Variants in PTPRM observed in about 807,000 individuals in gnomAD.
PTPRM encodes receptor-type tyrosine-protein phosphatase mu.
PTPRM carries 47 observed loss-of-function variants against 186.7 expected under a neutral mutation model. The observed-to-expected ratio is 0.25, with a 90% CI of 0.20 to 0.32. The LOEUF (loss-of-function observed/expected upper bound fraction) is 0.32. PTPRM is among the 10% of genes least tolerant of loss of function. The pLI is 1.00. For synonymous variants in PTPRM, 668 were observed against 674.9 expected, an observed-to-expected ratio of 0.99 and a Z score of 0.16; for missense variants, 1,494 against 1,865.0, an observed-to-expected ratio of 0.80 and a Z score of 3.66.
chr18:7,997,611 A>G lies in PTPRM; in HGVS notation c.1132+42197A>G, dbSNP rs114298038. Among the ~76,000 whole-genome samples, 1,350 of 152,276 alleles carry G rather than the reference A, an allele frequency of 8.9e-3. 17 individuals carry two copies. The highest frequency in any genetic ancestry group is 0.03 in the African/African-American group (1,267 of 41,584). ...GACAACCTACAGAATGGGAGAAATTATTTGCAATCTATCCATTGGATAAGT... is the reference window on the plus strand; with the variant it reads ...GACAACCTACAGAATGGGAGAAATTGTTTGCAATCTATCCATTGGATAAGT... On this transcript the variant is annotated intron_variant, in intron 7 of 32. Coordinates refer to ENST00000580170, the MANE Select transcript of PTPRM (RefSeq NM_001105244.2).
At chr18:8,316,834 C>T (rs2148045925) in intron 21 of PTPRM, among the ~76,000 whole-genome samples, 1 of 152,174 alleles carries the variant, frequency 6.6e-6, no homozygotes, top group South Asian at 2.1e-4. Flanking sequence ...GAGAAGGTAG[C>T]AAGTGAGCAA....
chr18:7,694,194 A>C (rs1210421603), intron 1 of PTPRM, among the ~76,000 whole-genome samples: 1 of 152,098 alleles, frequency 6.6e-6, no homozygotes, highest in Non-Finnish European at 1.5e-5. Flanking sequence ...CTTCTCTTAA[A>C]CTTGAGGACT....
chr18:8,308,777 A>G (rs1002508284), intron 20 of PTPRM, among the ~76,000 whole-genome samples: 4 of 152,152 alleles, frequency 2.6e-5, no homozygotes, highest in African/African-American at 7.2e-5. Context: ...CCAGTATTGT[A>G]CCTACTAACT....
intron 14 of PTPRM, among the ~76,000 whole-genome samples, chr18:8,189,783 T>A (rs1411942011): frequency 1.3e-5 from 2 of 152,212 alleles, no homozygotes; most frequent in Non-Finnish European, 2.9e-5. Flanking sequence ...CACTGGAGAC[T>A]TTAAAGAGCC....
At chr18:7,809,130 G>GCTCC in intron 2 of PTPRM, among the ~76,000 whole-genome samples, 1 of 152,254 alleles carries the variant, frequency 6.6e-6, no homozygotes, top group East Asian at 1.9e-4. Flanking sequence ...GAGCTGGTGG[G>GCTCC]TGTTCCCATG....
chr18:7,800,333 T>C (rs1258358020), intron 2 of PTPRM, among the ~76,000 whole-genome samples: 1 of 152,196 alleles, frequency 6.6e-6, no homozygotes, highest in African/African-American at 2.4e-5. Flanking sequence ...TGTTTATCAG[T>C]CTTTTGTTTA....
chr18:7,703,540 T>C (rs983780192), intron 1 of PTPRM, among the ~76,000 whole-genome samples: 2 of 152,222 alleles, frequency 1.3e-5, no homozygotes, highest in Non-Finnish European at 2.9e-5. Context: ...GAGACTTTGC[T>C]GAAGTTGCTT....
At chr18:8,096,048 G>A (rs35481995) in intron 11 of PTPRM, among the ~76,000 whole-genome samples, 6,605 of 152,208 alleles carry the variant, frequency 0.043, 200 homozygotes, top group Non-Finnish European at 0.071. Flanking sequence ...TAACCCCTTT[G>A]CTGTGGGCCT....
intron 1 of PTPRM, among the ~76,000 whole-genome samples, chr18:7,650,612 C>T (rs2038677215): frequency 6.6e-6 from 1 of 151,950 alleles, no homozygotes; most frequent in South Asian, 2.1e-4. Flanking sequence ...TGTGACCAAC[C>T]CTATACATTC....
intron 1 of PTPRM, among the ~76,000 whole-genome samples, chr18:7,763,756 A>G (rs948244905): frequency 3.3e-5 from 5 of 152,216 alleles, no homozygotes; most frequent in Admixed American, 2.0e-4. Context: ...AGGTTAATCA[A>G]TGTCTGGTGA....
At chr18:7,757,237 TATA>T (rs1172600930) in intron 1 of PTPRM, among the ~76,000 whole-genome samples, 2 of 152,212 alleles carry the variant, frequency 1.3e-5, no homozygotes, top group Admixed American at 1.3e-4. Flanking sequence ...AATGTTGAAT[TATA>T]GTAGGTCACA....
chr18:8,376,847 T>TA (rs1465740425), intron 26 of PTPRM: 1 of 430,888 alleles, frequency 2.3e-6, no homozygotes, highest in Non-Finnish European at 4.1e-6. Flanking sequence ...TTTTCTGTAT[T>TA]AAGGGACCCA....
chr18:8,312,597 T>C (rs1366020415), intron 20 of PTPRM, among the ~76,000 whole-genome samples: 1 of 152,124 alleles, frequency 6.6e-6, no homozygotes, highest in East Asian at 1.9e-4. Context: ...ATGCTCACAG[T>C]AATCCCACAA....
chr18:7,819,193 G>A (rs1257485021), intron 2 of PTPRM, among the ~76,000 whole-genome samples: 2 of 152,138 alleles, frequency 1.3e-5, no homozygotes, highest in Non-Finnish European at 2.9e-5. Flanking sequence ...CCCCAGGCCT[G>A]TGCCTGTGGA....
intron 1 of PTPRM, among the ~76,000 whole-genome samples, chr18:7,687,910 C>T (rs2039642575): frequency 1.3e-5 from 2 of 151,698 alleles, no homozygotes; most frequent in Non-Finnish European, 2.9e-5. Context: ...CCCGAATAGC[C>T]AGGACTACAG....
chr18:8,375,956 G>A (rs2095692119), intron 24 of PTPRM, 90 bp from the exon 25 acceptor site: 1 of 1,392,000 alleles, frequency 7.2e-7, no homozygotes, highest in Non-Finnish European at 9.9e-7. Context: ...TGCTACCTGG[G>A]GACTGTTTCC....
intron 2 of PTPRM, among the ~76,000 whole-genome samples, chr18:7,862,876 CA>C (rs1225293277): frequency 9.9e-5 from 15 of 152,156 alleles, no homozygotes; most frequent in Non-Finnish European, 2.1e-4. Context: ...GGGATGTCTA[CA>C]ACTCTCTAAG....
At chr18:8,254,839 G>T (rs2094559903) in intron 19 of PTPRM, among the ~76,000 whole-genome samples, 1 of 152,220 alleles carries the variant, frequency 6.6e-6, no homozygotes, top group Non-Finnish European at 1.5e-5. Flanking sequence ...TAAGGCTTTG[G>T]TCCAAAGCAG....
chr18:7,785,438 G>A (rs1390436921), intron 2 of PTPRM, among the ~76,000 whole-genome samples: 1 of 151,318 alleles, frequency 6.6e-6, no homozygotes, highest in Admixed American at 6.6e-5. Context: ...GTGTGTGTAT[G>A]TTGAGAGAGA....
Sources: gnomAD v4.1 joint callset for allele counts (sites outside exome capture counted in the v4.1 genomes callset) on GRCh38, gnomAD v4.1.1 for gene constraint, MANE v1.5 for transcripts, NCBI Gene and HGNC (gene_info 2026-07-23, HGNC 2026-07-21) for gene names.